Variants in DGKI observed in about 807,000 individuals in gnomAD.
DGKI encodes the protein diacylglycerol kinase iota.
In DGKI, 55 loss-of-function variants were observed where a neutral mutation model predicts 147.5. The ratio of observed to expected loss-of-function variants is 0.37; its 90% CI spans 0.30 to 0.47. The LOEUF (loss-of-function observed/expected upper bound fraction) is 0.47, where lower values mean the gene tolerates loss of function less well. DGKI is among the 20% of genes least tolerant of loss of function. The pLI is 1.00. For missense variants in DGKI, 1,007 were observed against 1,323.8 expected, an observed-to-expected ratio of 0.76 and a Z score of 3.71; for synonymous variants, 469 against 477.1, an observed-to-expected ratio of 0.98 and a Z score of 0.22.
intron 6 of DGKI, among the ~76,000 whole-genome samples, chr7:137,632,866 T>TAAAC (rs59720973): frequency 0.02 from 2,858 of 145,212 alleles, 98 homozygotes; most frequent in African/African-American, 0.069. Context: ...CTCAAATAAA[T>TAAAC]AAACAAACAA....
chr7:137,635,211 G>T (rs1176466322), intron 6 of DGKI, among the ~76,000 whole-genome samples: 1 of 152,156 alleles, frequency 6.6e-6, no homozygotes, highest in Non-Finnish European at 1.5e-5. Flanking sequence ...TGGAGTGATG[G>T]ATGCTATATG....
chr7:137,464,256 CAAAAAAA>C (rs58290482), intron 26 of DGKI, among the ~76,000 whole-genome samples: 2 of 47,758 alleles, frequency 4.2e-5, no homozygotes, highest in Non-Finnish European at 1.4e-4. Context: ...GACTCCATCT[CAAAAAAA>C]AAAAAAAAAA....
At chr7:137,420,282 T>C (rs1812515007) in intron 28 of DGKI, among the ~76,000 whole-genome samples, 1 of 152,202 alleles carries the variant, frequency 6.6e-6, no homozygotes, top group South Asian at 2.1e-4. Context: ...AGTCCACGTT[T>C]GCGCATATAC....
intron 17 of DGKI, among the ~76,000 whole-genome samples, chr7:137,575,771 T>C (rs1818948591): frequency 6.6e-6 from 1 of 152,196 alleles, no homozygotes. Flanking sequence ...AGATACTTGC[T>C]TTATATTTTT....
chr7:137,459,468 A>T (rs182263175), intron 27 of DGKI, among the ~76,000 whole-genome samples: 2,416 of 145,330 alleles, frequency 0.017, 70 homozygotes, highest in African/African-American at 0.062. Context: ...CGAATTTTTT[A>T]AATTTTTTTT....
intron 2 of DGKI, among the ~76,000 whole-genome samples, chr7:137,679,990 C>CAAAAAAAAAAAAAA (rs768437551): frequency 1.1e-4 from 6 of 54,078 alleles, no homozygotes; most frequent in African/African-American, 3.7e-4. Flanking sequence ...GACTCCATCT[C>CAAAAAAAAAAAAAA]AAAAAAAAAA....
rs146866035 is a variant in DGKI at position 137,571,235 on chromosome 7, G to A, written c.1887C>T (p.Phe629=). 3.4e-5 allele frequency: 55 copies of A among 1,613,302 alleles called. No individual in the cohort carries two copies. The highest frequency in any genetic ancestry group is 2.5e-4 in the East Asian group (11 of 44,854). ...AACCATCATCATGACGCTGAGGTTC[G>A]AAATCATGGTGATCACCTGGGTTTC... ...PWGNPGDHHD[F]EPQRHDDGYI... The change falls in exon 19 of 33, where the codon TTC becomes TTT. Residue 629 remains phenylalanine, a synonymous_variant. Coordinates refer to ENST00000614521, the MANE Select transcript of DGKI (RefSeq NM_001321708.2).
intron 1 of DGKI, among the ~76,000 whole-genome samples, chr7:137,825,497 A>C (rs539904283): frequency 3.3e-5 from 5 of 152,316 alleles, no homozygotes; most frequent in African/African-American, 9.6e-5. Context: ...GGAAATAGGT[A>C]TCATTAGCCT....
At chr7:137,571,134 T>C (rs1818779561) in intron 19 of DGKI, 41 bp downstream of exon 19, 3 of 1,453,160 alleles carry the variant, frequency 2.1e-6, no homozygotes, top group Non-Finnish European at 2.8e-6. Context: ...ACTCTGTGAC[T>C]AAAATACATT....
At chr7:137,745,303 A>G (rs773926562) in intron 1 of DGKI, among the ~76,000 whole-genome samples, 21 of 152,188 alleles carry the variant, frequency 1.4e-4, no homozygotes, top group Non-Finnish European at 2.8e-4. Context: ...GGGGAAGACT[A>G]CGTCCAAAGA....
chr7:137,396,421 A>T (rs1432994004), intron 31 of DGKI, among the ~76,000 whole-genome samples: 1 of 152,180 alleles, frequency 6.6e-6, no homozygotes, highest in Non-Finnish European at 1.5e-5. Context: ...TATAGGGAGG[A>T]GGGTATTCCT....
intron 19 of DGKI, among the ~76,000 whole-genome samples, chr7:137,559,406 C>T (rs1042425025): frequency 3.3e-5 from 5 of 152,030 alleles, no homozygotes; most frequent in African/African-American, 1.2e-4. Context: ...TTCTCAAATT[C>T]CACCTCCTCC....
chr7:137,417,971 G>A lies in DGKI; in HGVS notation c.2762-5764C>T, dbSNP rs547058563. Among the ~76,000 whole-genome samples, 5 of 152,308 alleles carry A rather than the reference G, an allele frequency of 3.3e-5. No individual in the cohort carries two copies. The South Asian group carries it at 1.0e-3, about 32-fold the overall frequency. On this transcript the variant is annotated intron_variant, in intron 28 of 32. Coordinates refer to ENST00000614521, the MANE Select transcript of DGKI (RefSeq NM_001321708.2). ...ATTTCTATTACTTAAACATGATCCA[G>A]TCTAAGATATTTTGTCCTAGCAGCA...
At chr7:137,554,768 T>C (rs1818164069) in intron 19 of DGKI, among the ~76,000 whole-genome samples, 1 of 151,828 alleles carries the variant, frequency 6.6e-6, no homozygotes, top group Non-Finnish European at 1.5e-5. Flanking sequence ...CCCAGCCTCA[T>C]TCCTGGAACA....
In DGKI at chr7:137,386,110, A is replaced by AT. The variant is rs1403670872; in HGVS notation, c.*5109dup. On this transcript the variant is annotated 3_prime_UTR_variant, in exon 33 of 33. Transcript: ENST00000614521. ...CTATGCATTATGAAGATACCATTCA[A>AT]TTTTCACGTTTCTATTTTAAAATCC... is the stretch of plus-strand genomic sequence containing the variant. The AT allele has an allele frequency of 5.3e-5, 8 of 152,180 alleles. No individual in the cohort carries two copies. Among genetic ancestry groups the AT allele is most frequent in the African/African-American group, 1.9e-4 (8 of 41,524 alleles). The allele number at this position is 152,180 out of a possible 1,614,324, so 9.4% of individuals were successfully genotyped here. A position where few individuals can be genotyped will look rare whatever the true frequency, so the allele number is the denominator to read the frequency against.
At chr7:137,582,434 CTA>C (rs1554436072) in intron 14 of DGKI, among the ~76,000 whole-genome samples, 364 of 147,690 alleles carry the variant, frequency 2.5e-3, no homozygotes, top group African/African-American at 5.0e-3. Context: ...CTCTCTCTCT[CTA>C]TATATATATA....
chr7:137,713,610 C>T (rs573868162), intron 1 of DGKI, among the ~76,000 whole-genome samples: 4 of 152,194 alleles, frequency 2.6e-5, no homozygotes, highest in African/African-American at 9.6e-5. Flanking sequence ...TTGCCATTAA[C>T]TTATTAAGCT....
intron 1 of DGKI, among the ~76,000 whole-genome samples, chr7:137,833,535 A>C (rs935093863): frequency 2.0e-5 from 3 of 152,198 alleles, no homozygotes; most frequent in Admixed American, 1.3e-4. Flanking sequence ...GAATTATGAG[A>C]GTACAATTCA....
intron 5 of DGKI, among the ~76,000 whole-genome samples, chr7:137,647,839 A>T (rs987577405): frequency 6.6e-6 from 1 of 152,210 alleles, no homozygotes; most frequent in Admixed American, 6.5e-5. Flanking sequence ...GCATATCCCA[A>T]TTCGCATTAC....
Sources: allele counts gnomAD v4.1 joint callset (sites outside exome capture counted in the v4.1 genomes callset), GRCh38; gene constraint gnomAD v4.1.1; transcripts MANE v1.5; gene names NCBI Gene and HGNC (gene_info 2026-07-23, HGNC 2026-07-21).